Variants in ARMC1 observed in about 807,000 individuals in gnomAD.
ARMC1 encodes armadillo repeat containing 1, also known as armadillo repeat-containing protein 1.
In ARMC1, 16 loss-of-function variants were observed where a neutral mutation model predicts 31.4. That is an observed-to-expected ratio of 0.51 (90% CI 0.34 to 0.77). ARMC1 has a LOEUF of 0.77. Among genes scored for constraint, ARMC1 ranks in the 30% least tolerant of loss-of-function variants. ARMC1 has a pLI of 0.01. For synonymous variants in ARMC1, 114 were observed against 118.9 expected, an observed-to-expected ratio of 0.96 and a Z score of 0.27; for missense variants, 259 against 347.5, an observed-to-expected ratio of 0.75 and a Z score of 2.02.
At chr8:65,613,531 G>T in intron 3 of ARMC1, 98 bp from the exon 4 acceptor site, 2 of 764,366 alleles carry the variant, frequency 2.6e-6, no homozygotes, top group Non-Finnish European at 4.1e-6. Context: ...TTACTCTAAT[G>T]CCTTGTTCAA....
At chr8:65,628,143 GCCCCA>G (rs1176970471) in intron 1 of ARMC1, among the ~76,000 whole-genome samples, 1 of 152,134 alleles carries the variant, frequency 6.6e-6, no homozygotes, top group East Asian at 1.9e-4. Flanking sequence ...TCAATAATTT[GCCCCA>G]CATCACAAAA....
intron 2 of ARMC1, 97 bp from the exon 3 acceptor site, chr8:65,622,451 T>C (rs1395496436): frequency 4.3e-6 from 4 of 920,852 alleles, no homozygotes; most frequent in South Asian, 3.1e-5. Context: ...AAGGAGAAAA[T>C]AGGTTTTTGT....
chr8:65,626,991 C>A (rs530718479), intron 2 of ARMC1, among the ~76,000 whole-genome samples: 1 of 149,062 alleles, frequency 6.7e-6, no homozygotes, highest in South Asian at 2.1e-4. Context: ...GTACTCCAGG[C>A]CTAGATGACT....
chr8:65,613,854 G>C (rs1808195256), intron 3 of ARMC1, among the ~76,000 whole-genome samples: 1 of 151,978 alleles, frequency 6.6e-6, no homozygotes. Context: ...CAGCTACTCA[G>C]GAGTCTGAGA....
chr8:65,612,895 A>G (rs1390892404), intron 4 of ARMC1, among the ~76,000 whole-genome samples: 1 of 152,088 alleles, frequency 6.6e-6, no homozygotes, highest in East Asian at 1.9e-4. Flanking sequence ...AAAATAAAAT[A>G]AAAATTAGGT....
intron 4 of ARMC1, 150 bp downstream of exon 4, chr8:65,613,094 C>G: frequency 2.0e-6 from 1 of 490,466 alleles, no homozygotes; most frequent in Non-Finnish European, 3.4e-6. Flanking sequence ...ATTCTTATAT[C>G]CTATGATTAA....
At chr8:65,618,157 A>G (rs6986445) in intron 3 of ARMC1, among the ~76,000 whole-genome samples, 96,257 of 151,384 alleles carry the variant, frequency 0.64, 30,768 homozygotes, top group African/African-American at 0.69. Flanking sequence ...CTCGTGATAC[A>G]CCCGCCTCGG....
intron 4 of ARMC1, among the ~76,000 whole-genome samples, chr8:65,607,969 T>C (rs1808039910): frequency 6.6e-6 from 1 of 152,188 alleles, no homozygotes; most frequent in Non-Finnish European, 1.5e-5. Context: ...CTGTTTGTTT[T>C]GTTTGGGAGA....
At chr8:65,606,353 AC>A (rs1808002075) in intron 4 of ARMC1, among the ~76,000 whole-genome samples, 1 of 133,858 alleles carries the variant, frequency 7.5e-6, no homozygotes, top group Non-Finnish European at 1.6e-5. Flanking sequence ...AGAGCAAGAC[AC>A]CATCTCAAAA....
At chr8:65,628,989 A>G (rs965780341) in intron 1 of ARMC1, among the ~76,000 whole-genome samples, 5 of 151,980 alleles carry the variant, frequency 3.3e-5, no homozygotes, top group African/African-American at 1.2e-4. Flanking sequence ...CCCTGTCTCT[A>G]CTAAAAATAC....
At chr8:65,619,956 C>G (rs1490720251) in intron 3 of ARMC1, among the ~76,000 whole-genome samples, 1 of 149,990 alleles carries the variant, frequency 6.7e-6, no homozygotes, top group Non-Finnish European at 1.5e-5. Context: ...TGCACTCCAG[C>G]CTGGGCAACA....
chr8:65,610,785 T>C (rs1472423575), intron 4 of ARMC1, among the ~76,000 whole-genome samples: 1 of 152,184 alleles, frequency 6.6e-6, no homozygotes, highest in African/African-American at 2.4e-5. Flanking sequence ...GCATGACTTT[T>C]AGCTACAAAT....
intron 1 of ARMC1, among the ~76,000 whole-genome samples, chr8:65,629,350 T>G (rs1808585778): frequency 6.6e-6 from 1 of 152,034 alleles, no homozygotes; most frequent in Non-Finnish European, 1.5e-5. Flanking sequence ...CTGTTGAATC[T>G]AAAACAATAG....
rs1807940231 is a variant in ARMC1 at position 65,603,637 on chromosome 8, T to G, written c.*757A>C. 1 of 152,212 alleles carries G rather than the reference T, an allele frequency of 6.6e-6. No homozygotes were observed. The highest frequency in any genetic ancestry group is 2.1e-4 in the South Asian group (1 of 4,830). 9.4% of individuals were successfully genotyped at this position (152,212 alleles called of 1,614,324 possible). On this transcript the variant is annotated 3_prime_UTR_variant, in exon 7 of 7. Transcript: ENST00000276569. ...TCACATTAACTCTCAAGAATTGATATAAGCCAAAGTGAAAAGAAGTCAACT... is the reference window on the plus strand; with the variant it reads ...TCACATTAACTCTCAAGAATTGATAGAAGCCAAAGTGAAAAGAAGTCAACT...
At chr8:65,609,288 C>T (rs1339217942) in intron 4 of ARMC1, among the ~76,000 whole-genome samples, 1 of 151,888 alleles carries the variant, frequency 6.6e-6, no homozygotes, top group Admixed American at 6.6e-5. Flanking sequence ...TTTGTGTGTG[C>T]TTTGCTGGGT....
intron 1 of ARMC1, among the ~76,000 whole-genome samples, chr8:65,629,916 G>C (rs6472215): frequency 0.64 from 96,636 of 152,010 alleles, 30,950 homozygotes; most frequent in African/African-American, 0.69. Context: ...AGGACAAAGC[G>C]GGTGGATCAC....
chr8:65,615,571 G>A (rs897650696), intron 3 of ARMC1, among the ~76,000 whole-genome samples: 1 of 152,100 alleles, frequency 6.6e-6, no homozygotes, highest in African/African-American at 2.4e-5. Context: ...GCTGGGCGTG[G>A]TGGCAGGTGT....
chr8:65,610,118 G>A (rs1423001196), intron 4 of ARMC1, among the ~76,000 whole-genome samples: 7 of 151,856 alleles, frequency 4.6e-5, no homozygotes, highest in African/African-American at 7.3e-5. Flanking sequence ...TTGTGTGTGT[G>A]ACGGGATCTC....
intron 2 of ARMC1, among the ~76,000 whole-genome samples, chr8:65,626,832 A>G (rs187105485): frequency 6.6e-6 from 1 of 152,280 alleles, no homozygotes; most frequent in African/African-American, 2.4e-5. Context: ...CCTGGCCAAC[A>G]TGGCGAAACC....
Sources: allele counts gnomAD v4.1 joint callset (sites outside exome capture counted in the v4.1 genomes callset), GRCh38; gene constraint gnomAD v4.1.1; transcripts MANE v1.5; gene names NCBI Gene and HGNC (gene_info 2026-07-23, HGNC 2026-07-21).